TTC8: variants seen among roughly 807,000 people sequenced by gnomAD.
The protein encoded by TTC8 is tetratricopeptide repeat protein 8.
Under a neutral mutation model 72.5 loss-of-function variants are expected in TTC8, and 47 were observed. That is an observed-to-expected ratio of 0.65 (90% CI 0.51 to 0.83). TTC8 has a LOEUF of 0.83. Ranked by LOEUF, TTC8 falls within the 40% of genes least tolerant of loss-of-function variation. TTC8 has a pLI of 0.00. For missense variants in TTC8, 611 were observed against 623.2 expected (o/e 0.98, Z 0.21); for synonymous variants, 199 against 221.4 (o/e 0.90, Z 0.90).
intron 8 of TTC8, among the ~76,000 whole-genome samples, chr14:88,856,874 T>A (rs1385196480): frequency 6.6e-6 from 1 of 152,198 alleles, no homozygotes; most frequent in Non-Finnish European, 1.5e-5. Flanking sequence ...ACTTGCCATA[T>A]GTCCAGCTGA....
intron 8 of TTC8, among the ~76,000 whole-genome samples, chr14:88,856,147 T>G (rs1422947278): frequency 6.6e-6 from 1 of 152,180 alleles, no homozygotes; most frequent in African/African-American, 2.4e-5. Flanking sequence ...TTTCAGAACT[T>G]TAGAGTTCTT....
At chr14:88,863,458 G>A (rs936082398) in intron 10 of TTC8, among the ~76,000 whole-genome samples, 2 of 152,124 alleles carry the variant, frequency 1.3e-5, no homozygotes, top group Admixed American at 6.6e-5. Flanking sequence ...TGTCTACCAG[G>A]GAAGCTCATT....
intron 8 of TTC8, 92 bp downstream of exon 8, chr14:88,853,148 T>C (rs2094841158): frequency 2.3e-6 from 2 of 881,284 alleles, no homozygotes; most frequent in African/African-American, 3.3e-5. Context: ...GATTTTCCCA[T>C]GAAGAAATGA....
At chr14:88,832,784 T>G (rs1283076190) in intron 1 of TTC8, among the ~76,000 whole-genome samples, 1 of 152,090 alleles carries the variant, frequency 6.6e-6, no homozygotes, top group Non-Finnish European at 1.5e-5. Context: ...AAATCTATAC[T>G]TTTTCTACAT....
chr14:88,840,058 A>G (rs2094773002), intron 3 of TTC8: 1 of 170,710 alleles, frequency 5.9e-6, no homozygotes, highest in Non-Finnish European at 1.3e-5. Flanking sequence ...CTAAATCATA[A>G]TGTGAGGTAA....
chr14:88,859,191 G>T (rs911892727), intron 9 of TTC8, among the ~76,000 whole-genome samples: 2 of 151,952 alleles, frequency 1.3e-5, no homozygotes, highest in Non-Finnish European at 2.9e-5. Flanking sequence ...GCAGATTTTT[G>T]TTCTATCACA....
At chr14:88,872,257 A>G in intron 12 of TTC8, 73 bp from the exon 13 acceptor site, 2 of 1,599,040 alleles carry the variant, frequency 1.3e-6, no homozygotes. Context: ...GTAGCAGAAG[A>G]GATACCTATG....
Position 88,868,412 on chromosome 14 carries a change from G to A in TTC8, c.910-1647G>A, listed in dbSNP as rs148231654. ...TTTAAAAGGAATCTTAGACCAAAAC[G>A]TTTGAGAACCTCTGTTCTAATGGAA... On this transcript the variant is annotated intron_variant, in intron 10 of 14. Coordinates refer to ENST00000380656, the MANE Select transcript of TTC8 (RefSeq NM_144596.4). 2.2e-3 allele frequency among the ~76,000 whole-genome samples: 330 copies of A among 152,218 alleles called. 1 individual carries two copies. The highest frequency in any genetic ancestry group is 7.3e-3 in the African/African-American group (303 of 41,538).
At chr14:88,855,650 G>T (rs556830230) in intron 8 of TTC8, among the ~76,000 whole-genome samples, 15 of 151,914 alleles carry the variant, frequency 9.9e-5, no homozygotes, top group African/African-American at 3.6e-4. Context: ...TCATATTCTT[G>T]TTTTATATGT....
intron 8 of TTC8, 115 bp from the exon 9 acceptor site, chr14:88,857,075 C>T: frequency 1.1e-6 from 1 of 915,266 alleles, no homozygotes; most frequent in Non-Finnish European, 1.8e-6. Context: ...GTATGTGCAA[C>T]ATTACCTTCC....
chr14:88,834,245 A>G (rs2094739571), intron 2 of TTC8, among the ~76,000 whole-genome samples: 1 of 152,188 alleles, frequency 6.6e-6, no homozygotes, highest in Admixed American at 6.6e-5. Context: ...TTGGATAAGG[A>G]TAGGAGGCAG....
At chr14:88,849,875 A>G (rs2094825675) in intron 7 of TTC8, among the ~76,000 whole-genome samples, 1 of 152,214 alleles carries the variant, frequency 6.6e-6, no homozygotes, top group Non-Finnish European at 1.5e-5. Context: ...CGACAAAACT[A>G]AAGTGGCATG....
chr14:88,879,434 T>C (rs2094967144), downstream of TTC8: 1 of 152,098 alleles, frequency 6.6e-6, no homozygotes, highest in South Asian at 2.1e-4. Context: ...TATTTCCAAC[T>C]GATGAAAATG....
intron 10 of TTC8, among the ~76,000 whole-genome samples, chr14:88,862,540 C>CTATA (rs2094890629): frequency 7.3e-5 from 3 of 41,154 alleles, no homozygotes; most frequent in African/African-American, 8.5e-5. Flanking sequence ...CTCTCTCTCT[C>CTATA]CATATATATA....
At chr14:88,859,720 C>G (rs1017828750) in intron 9 of TTC8, among the ~76,000 whole-genome samples, 1 of 150,230 alleles carries the variant, frequency 6.7e-6, no homozygotes, top group African/African-American at 2.4e-5. Flanking sequence ...TCCTGGAGTT[C>G]GAGACCAGCC....
At chr14:88,879,023 A>G (rs2094966273), downstream of TTC8, 6 of 152,176 alleles carry the variant, frequency 3.9e-5, no homozygotes, top group African/African-American at 1.2e-4. Flanking sequence ...AAATAAATCT[A>G]CTACCATTTA....
At position 88,857,195 on chromosome 14, in the gene TTC8, G is replaced by C; in HGVS notation, c.716G>C (p.Gly239Ala). 6.2e-7 allele frequency: 1 copy of C among 1,613,776 alleles called. No homozygotes were observed. The highest frequency in any genetic ancestry group is 8.5e-7 in the Non-Finnish European group (1 of 1,179,828). Reference sequence around the variant, plus strand: ...CTTAAAATTGCTATTTGTAGGTTGGGAATGTATCGTGAAGCAGAAAAACAG... The same window carrying C: ...CTTAAAATTGCTATTTGTAGGTTGGCAATGTATCGTGAAGCAGAAAAACAG... Reference protein sequence around the residue: ...VQIGKCYYRLGMYREAEKQFK... With the variant: ...VQIGKCYYRLAMYREAEKQFK... Residue 239 changes from glycine to alanine, a missense_variant, in exon 9 of 15, where the codon GGA becomes GCA. Coordinates refer to ENST00000380656, the MANE Select transcript of TTC8 (RefSeq NM_144596.4).
At chr14:88,868,411 C>T (rs1223672234) in intron 10 of TTC8, among the ~76,000 whole-genome samples, 3 of 152,070 alleles carry the variant, frequency 2.0e-5, no homozygotes, top group African/African-American at 2.4e-5. Context: ...TAGACCAAAA[C>T]GTTTGAGAAC....
chr14:88,869,617 G>A (rs1199397773), intron 10 of TTC8, among the ~76,000 whole-genome samples: 3 of 152,006 alleles, frequency 2.0e-5, no homozygotes, highest in Admixed American at 2.0e-4. Flanking sequence ...TTCTTCATAT[G>A]TGACAAGCAC....
Sources: allele counts gnomAD v4.1 joint callset (sites outside exome capture counted in the v4.1 genomes callset), GRCh38; gene constraint gnomAD v4.1.1; transcripts MANE v1.5; gene names NCBI Gene and HGNC (gene_info 2026-07-23, HGNC 2026-07-21).